DDX54: variants seen among roughly 807,000 people sequenced by gnomAD.
DDX54 encodes DEAD-box helicase 54, also known as ATP-dependent RNA helicase DDX54.
A neutral mutation model predicts 105.5 loss-of-function variants in DDX54; 67 were observed. The observed-to-expected ratio is 0.64, with a 90% CI of 0.52 to 0.78. DDX54 has a LOEUF of 0.78. DDX54 is among the 30% of genes least tolerant of loss of function. The pLI, the probability that DDX54 is intolerant of heterozygous loss-of-function variation, is 0.00. For synonymous variants in DDX54, 514 were observed against 509.9 expected, an observed-to-expected ratio of 1.01 and a Z score of -0.11; for missense variants, 1,206 against 1,230.5, an observed-to-expected ratio of 0.98 and a Z score of 0.30.
chr12:113,162,720 T>G, intron 17 of DDX54: 6 of 481,354 alleles, frequency 1.2e-5, no homozygotes, highest in East Asian at 3.9e-5. Context: ...ACCCCAGGCA[T>G]GGAGGGGCAG....
chr12:113,172,043 T>A (rs1421857320), intron 11 of DDX54, among the ~76,000 whole-genome samples: 1 of 151,968 alleles, frequency 6.6e-6, no homozygotes. Context: ...TATTGAATAC[T>A]GTACTGAAAG....
chr12:113,157,418 C>T lies in DDX54; in HGVS notation c.*1459G>A. On this transcript the variant is annotated 3_prime_UTR_variant, in exon 20 of 20. Transcript: ENST00000306014. The stretch of plus-strand genomic sequence containing the variant: ...AGCAGTTGGGAAGGTTGGCCTGAGG[C>T]TTTCAAAACCCAGAACGGTTTAGGA... 1.7e-6 allele frequency: 1 copy of T among 600,244 alleles called. No individual in the cohort carries two copies. Among genetic ancestry groups the T allele is most frequent in the Non-Finnish European group, 3.0e-6 (1 of 336,730 alleles). 37.2% of individuals were successfully genotyped at this position (600,244 alleles called of 1,614,324 possible).
At chr12:113,185,187 C>A in intron 1 of DDX54, 91 bp downstream of exon 1, 1 of 1,402,960 alleles carries the variant, frequency 7.1e-7, no homozygotes, top group Non-Finnish European at 9.3e-7. Flanking sequence ...CTCTGCGGAG[C>A]CCAATCCCCA....
In DDX54 at chr12:113,165,821, C is replaced by T. The variant is rs371361704; in HGVS notation, c.1626G>A (p.Leu542=). Residue 542 remains leucine (L), a synonymous_variant, in exon 13 of 20, where the codon CTG becomes CTA. Transcript: ENST00000306014. ...KRAKEMDLVG[L]GLHPLFSSRF... is the part of the protein sequence containing the mutation. Reference sequence around the variant, plus strand: ...ACTCACTGAAGAGGGGGTGCAGGCCCAGCCCCACAAGGTCCATCTCCTTGG... The same window carrying T: ...ACTCACTGAAGAGGGGGTGCAGGCCTAGCCCCACAAGGTCCATCTCCTTGG... 123 of 1,607,030 alleles carry T rather than the reference C, an allele frequency of 7.7e-5. No homozygotes were observed. The highest frequency in any genetic ancestry group is 1.8e-4 in the Admixed American group (11 of 59,716).
chr12:113,179,122 T>G (rs1323537546), intron 4 of DDX54, 21 bp downstream of exon 4: 3 of 1,613,588 alleles, frequency 1.9e-6, no homozygotes, highest in Middle Eastern at 1.6e-4. Context: ...GCCTCCAGCC[T>G]CTAGCCAAGC....
chr12:113,184,669 T>A (rs900471556), intron 1 of DDX54, among the ~76,000 whole-genome samples: 1 of 151,924 alleles, frequency 6.6e-6, no homozygotes, highest in Non-Finnish European at 1.5e-5. Flanking sequence ...CTACAAAAAA[T>A]TTAAAAATTA....
At chr12:113,170,798 T>A (rs894829064) in intron 11 of DDX54, among the ~76,000 whole-genome samples, 37 of 152,208 alleles carry the variant, frequency 2.4e-4, no homozygotes, top group African/African-American at 8.7e-4. Context: ...GTTTCATGTC[T>A]AGCCCCTTAC....
At position 113,157,596 on chromosome 12, in the gene DDX54, C is replaced by A; in HGVS notation, c.*1281G>T. 6.4e-7 allele frequency: 1 copy of A among 1,551,644 alleles called. No individual in the cohort carries two copies. Among genetic ancestry groups the A allele is most frequent in the Non-Finnish European group, 8.7e-7 (1 of 1,146,952 alleles). ...TGGGATGTGACTTCGTGCTGGGCCC[C>A]CCCAGGTGAAGCTGTTCATGCAGGA... On this transcript the variant is annotated 3_prime_UTR_variant, in exon 20 of 20. Transcript: ENST00000306014.
At chr12:113,177,774 C>T (rs1173324775) in intron 5 of DDX54, among the ~76,000 whole-genome samples, 1 of 152,198 alleles carries the variant, frequency 6.6e-6, no homozygotes, top group Non-Finnish European at 1.5e-5. Flanking sequence ...CCCAGCTCTA[C>T]TATGGAATCA....
At chr12:113,174,362 C>A (rs1388640852) in intron 10 of DDX54, among the ~76,000 whole-genome samples, 1 of 151,814 alleles carries the variant, frequency 6.6e-6, no homozygotes, top group Non-Finnish European at 1.5e-5. Flanking sequence ...TGACATGCGC[C>A]AGAAGTCCCA....
At chr12:113,175,373 A>G (rs990362143) in intron 7 of DDX54, among the ~76,000 whole-genome samples, 1 of 152,240 alleles carries the variant, frequency 6.6e-6, no homozygotes, top group Non-Finnish European at 1.5e-5. Flanking sequence ...TCATGCTGAA[A>G]TAAATGACAG....
At chr12:113,171,657 A>G (rs1012659761) in intron 11 of DDX54, among the ~76,000 whole-genome samples, 3 of 152,128 alleles carry the variant, frequency 2.0e-5, no homozygotes, top group Admixed American at 2.0e-4. Context: ...CAATGGGAAC[A>G]GACTCAATGC....
In DDX54 at chr12:113,163,481, G is replaced by C. The variant is rs1952235673; in HGVS notation, c.1939-207C>G. 6.6e-6 allele frequency among the ~76,000 whole-genome samples: 1 copy of C among 152,166 alleles called. No individual in the cohort carries two copies. The highest frequency in any genetic ancestry group is 2.4e-5 in the African/African-American group (1 of 41,438). ...CATCTGCACACACAGTGCAACCCCT[G>C]CCTCAGGGACCAGCAGAGGCAGGAC... On this transcript the variant is annotated intron_variant, in intron 15 of 19. Transcript: ENST00000306014. This position sits in a 1 kb window ranked among gnomAD's most constrained non-coding sequence, Gnocchi z 5.9.
At position 113,175,625 on chromosome 12, in the gene DDX54, A is replaced by G. The variant is rs559621689; in HGVS notation, c.753-468T>C. 1.1e-4 allele frequency among the ~76,000 whole-genome samples: 16 copies of G among 152,252 alleles called. No homozygotes were observed. In the South Asian group the frequency reaches 2.9e-3, roughly 28 times the overall value. ...AACACAGTGAAACCCCGTCTCTATT[A>G]AAAATACAAAAAAATTAGCCGGGCG... On this transcript the variant is annotated intron_variant, in intron 7 of 19. Coordinates refer to ENST00000306014, the MANE Select transcript of DDX54 (RefSeq NM_024072.4).
intron 12 of DDX54, among the ~76,000 whole-genome samples, chr12:113,169,245 C>T (rs149310242): frequency 1.3e-3 from 191 of 152,172 alleles, no homozygotes; most frequent in African/African-American, 4.3e-3. Flanking sequence ...CTTGCTTGAG[C>T]CCAGGAGTTG....
At chr12:113,161,544 G>A (rs548173619) in intron 18 of DDX54, 162 bp from the exon 19 acceptor site, 227 of 594,640 alleles carry the variant, frequency 3.8e-4, no homozygotes, top group African/African-American at 3.8e-3. Context: ...TGCTGTTGCT[G>A]AAGCTGCTCG....
At chr12:113,173,031 C>T (rs1343544077) in intron 10 of DDX54, among the ~76,000 whole-genome samples, 1 of 152,170 alleles carries the variant, frequency 6.6e-6, no homozygotes, top group African/African-American at 2.4e-5. Context: ...CATGAGAGTG[C>T]TAGCTGTTCT....
intron 12 of DDX54, 143 bp downstream of exon 12, chr12:113,169,627 T>TAAACA: frequency 7.8e-6 from 9 of 1,155,844 alleles, no homozygotes; most frequent in Non-Finnish European, 8.2e-6. Context: ...TCTCAAAAAA[T>TAAACA]AAACAAAACA....
chr12:113,172,624 G>A, intron 10 of DDX54, 61 bp from the exon 11 acceptor site: 5 of 1,579,150 alleles, frequency 3.2e-6, no homozygotes, highest in Non-Finnish European at 4.3e-6. Flanking sequence ...AGGAAAGGAA[G>A]CCAGACCATG....
Sources: allele counts gnomAD v4.1 joint callset (sites outside exome capture counted in the v4.1 genomes callset), GRCh38; gene constraint gnomAD v4.1.1; non-coding constraint Gnocchi (gnomAD v3.1); transcripts MANE v1.5; gene names NCBI Gene and HGNC (gene_info 2026-07-23, HGNC 2026-07-21).